Variants in BRCA2 observed in about 807,000 individuals in gnomAD.
BRCA2 encodes breast cancer type 2 susceptibility protein.
BRCA2 carries 203 observed loss-of-function variants against 276.7 expected under a neutral mutation model. The ratio of observed to expected loss-of-function variants is 0.73; its 90% confidence interval spans 0.65 to 0.82. The LOEUF is 0.82. Among genes scored for constraint, BRCA2 ranks in the 40% least tolerant of loss-of-function variants. The probability of loss-of-function intolerance (pLI) is 0.00; values close to 1 mark genes in which losing one functional copy is unlikely to be tolerated. For synonymous variants in BRCA2, 1,289 were observed against 1,338.4 expected, an observed-to-expected ratio of 0.96 and a Z score of 0.81; for missense variants, 3,920 against 3,915.0, an observed-to-expected ratio of 1.00 and a Z score of -0.03.
intron 13 of BRCA2, among the ~76,000 whole-genome samples, chr13:32,349,871 C>T (rs918649157): frequency 2.6e-5 from 4 of 150,988 alleles, no homozygotes; most frequent in Non-Finnish European, 5.9e-5. Flanking sequence ...GCAACTGTCT[C>T]CTGCCCGCTC....
rs80359772 is a variant in BRCA2 at position 32,398,178 on chromosome 13, GT to G, written c.9666del (p.Cys3222TrpfsTer27). 6.2e-7 allele frequency: 1 copy of G among 1,609,850 alleles called. No individual in the cohort carries two copies. Among genetic ancestry groups the G allele is most frequent in the Non-Finnish European group, 8.5e-7 (1 of 1,177,762 alleles). On this transcript the variant is annotated frameshift_variant, in exon 27 of 27. Coordinates refer to ENST00000380152, the MANE Select transcript of BRCA2 (RefSeq NM_000059.4). LOFTEE classifies it low-confidence loss of function (END_TRUNC). ...TTTTATCAGATGTCTTCTCCTAATT[GT>G]GAGATATATTATCAAAGTCCTTTAT... ...GNKLLMSSPN[C>X]EIYYQSPLSL...
intron 20 of BRCA2, among the ~76,000 whole-genome samples, chr13:32,373,118 A>G (rs919910100): frequency 2.0e-5 from 3 of 151,842 alleles, no homozygotes; most frequent in Admixed American, 2.0e-4. Flanking sequence ...CAGCCTCCCA[A>G]GTAGCTGGGA....
intron 26 of BRCA2, among the ~76,000 whole-genome samples, chr13:32,397,451 CT>C (rs2073044444): frequency 6.6e-6 from 1 of 152,142 alleles, no homozygotes; most frequent in Admixed American, 6.5e-5. Flanking sequence ...CTAAGGGTAT[CT>C]ATATTAACTC....
intron 19 of BRCA2, 56 bp from the exon 20 acceptor site, chr13:32,370,900 A>G (rs2072827278): frequency 1.2e-6 from 2 of 1,607,146 alleles, no homozygotes; most frequent in East Asian, 4.5e-5. Flanking sequence ...GCCTGATACA[A>G]TTAACTTGAA....
chr13:32,339,788 G>A lies in BRCA2; in HGVS notation c.5433G>A (p.Glu1811=), dbSNP rs2137517478. The change falls in exon 11 of 27, where the codon GAG becomes GAA. Residue 1811 remains glutamate, a synonymous_variant. Transcript: ENST00000380152. ...CTGTAAATGAAGATATTTGCGTTGAGGAACTTGTGACTAGCTCTTCACCCT... is the reference window on the plus strand; with the variant it reads ...CTGTAAATGAAGATATTTGCGTTGAAGAACTTGTGACTAGCTCTTCACCCT... ...PQTVNEDICV[E]ELVTSSSPCK... is the part of the protein sequence containing the mutation. The A allele has an allele frequency of 1.9e-6, 3 of 1,613,808 alleles. No individual in the cohort carries two copies. Among genetic ancestry groups the A allele is most frequent in the Non-Finnish European group, 2.5e-6 (3 of 1,179,772 alleles).
chr13:32,339,726 A>G lies in BRCA2; in HGVS notation c.5371A>G (p.Ile1791Val), dbSNP rs1214903860. ...DQKNTSFSKV[I>V]SNVKDANAYP... ...AAAAAACACTAGTTTTTCCAAAGTA[A>G]TATCCAATGTAAAAGATGCAAATGC... The change falls in exon 11 of 27, where the codon ATA becomes GTA. Residue 1791 changes from isoleucine (I) to valine (V), a missense_variant. Physicochemically the swap from Ile to Val is conservative, Grantham distance 29. Around this residue, in one of 2 missense-constraint regions of BRCA2, gnomAD observed 3,263 missense variants for 3,156.9 expected, o/e 1.03. Transcript: ENST00000380152. The G allele has an allele frequency of 6.2e-7, 1 of 1,613,820 alleles. No homozygotes were observed. Among genetic ancestry groups the G allele is most frequent in the South Asian group, 1.1e-5 (1 of 91,062 alleles).
In BRCA2 at chr13:32,336,976, C is replaced by G. The variant is rs2137488252; in HGVS notation, c.2621C>G (p.Thr874Ser). ...GAAACTACTTCAATTTCAAAAATAA[C>G]TGTCAATCCAGACTCTGAAGAACTT... is the stretch of plus-strand genomic sequence containing the variant. Reference protein sequence around the residue: ...QEETTSISKITVNPDSEELFS... With the variant: ...QEETTSISKISVNPDSEELFS... The change falls in exon 11 of 27, where the codon ACT becomes AGT. Residue 874 changes from threonine (T) to serine (S), a missense_variant. By Grantham distance (58) the Thr-to-Ser change is moderately conservative (BLOSUM62 1). Around this residue, in one of 2 missense-constraint regions of BRCA2, gnomAD observed 3,263 missense variants for 3,156.9 expected, o/e 1.03. Transcript: ENST00000380152. The G allele has an allele frequency of 6.3e-7, 1 of 1,584,332 alleles. No homozygotes were observed. Among genetic ancestry groups the G allele is most frequent in the Non-Finnish European group, 8.5e-7 (1 of 1,171,668 alleles).
chr13:32,366,721 C>T (rs1437267296), intron 18 of BRCA2, among the ~76,000 whole-genome samples: 2 of 151,900 alleles, frequency 1.3e-5, no homozygotes, highest in East Asian at 3.9e-4. Context: ...ACTGTGGAGG[C>T]TGAGGTGGGA....
At chr13:32,385,139 C>G (rs568966746) in intron 24 of BRCA2, 1 of 230,102 alleles carries the variant, frequency 4.3e-6, no homozygotes, top group Non-Finnish European at 9.2e-6. Context: ...TATGAACAGG[C>G]CAAGGCCTGC....
At chr13:32,396,430 G>T (rs565724773) in intron 25 of BRCA2, among the ~76,000 whole-genome samples, 1 of 152,214 alleles carries the variant, frequency 6.6e-6, no homozygotes, top group East Asian at 1.9e-4. Flanking sequence ...TCAAGCAACA[G>T]TTTCATGTAG....
intron 21 of BRCA2, among the ~76,000 whole-genome samples, chr13:32,377,660 A>G (rs1236377160): frequency 6.6e-6 from 1 of 152,126 alleles, no homozygotes; most frequent in African/African-American, 2.4e-5. Flanking sequence ...TAATCTATAT[A>G]AAAGTTCCAT....
At chr13:32,331,062 T>G (rs1337384907) in intron 9 of BRCA2, 32 bp downstream of exon 9, 1 of 1,497,572 alleles carries the variant, frequency 6.7e-7, no homozygotes, top group Non-Finnish European at 9.3e-7. Flanking sequence ...ACTACAGGTT[T>G]TTTTGTTGTT....
intron 2 of BRCA2, among the ~76,000 whole-genome samples, chr13:32,318,439 A>ATT (rs201193580): frequency 1.4e-5 from 2 of 143,718 alleles, no homozygotes; most frequent in Non-Finnish European, 1.5e-5. Flanking sequence ...TGTGGAATGT[A>ATT]TTTTTTTTTT....
chr13:32,398,317 A>C lies in BRCA2; in HGVS notation c.9804A>C (p.Arg3268Ser). 1.2e-6 allele frequency: 2 copies of C among 1,614,192 alleles called. No homozygotes were observed. Among genetic ancestry groups the C allele is most frequent in the Non-Finnish European group, 1.7e-6 (2 of 1,180,028 alleles). Residue 3268 changes from arginine (R) to serine (S), a missense_variant, in exon 27 of 27, where the codon AGA (arginine) becomes AGC (serine). This residue lies in a region of BRCA2 where 657 missense variants were observed against 758.2 expected (regional missense o/e 0.87). Transcript: ENST00000380152. Reference sequence around the variant, plus strand: ...ATGACCAAAAGAACTGCAAAAAGAGAAGAGCCTTGGATTTCTTGAGTAGAC... The same window carrying C: ...ATGACCAAAAGAACTGCAAAAAGAGCAGAGCCTTGGATTTCTTGAGTAGAC... The part of the protein sequence containing the change: ...EIDDQKNCKK[R>S]RALDFLSRLP...
At position 32,339,594 on chromosome 13, in the gene BRCA2, A is replaced by G. The variant is rs431825328; in HGVS notation, c.5239A>G (p.Asn1747Asp). Residue 1747 changes from asparagine to aspartate, a missense_variant, in exon 11 of 27, where the codon AAC becomes GAC. Asn to Asp is a conservative substitution (Grantham distance 23, BLOSUM62 1). This residue lies in a region of BRCA2 where 3,263 missense variants were observed against 3,156.9 expected (regional missense o/e 1.03). Coordinates refer to ENST00000380152, the MANE Select transcript of BRCA2 (RefSeq NM_000059.4). Reference protein sequence around the residue: ...DTYLSNSSMSNSYSYHSDEVY... With the variant: ...DTYLSNSSMSDSYSYHSDEVY... ...TTATTTAAGTAACAGTAGCATGTCT[A>G]ACAGCTATTCCTACCATTCTGATGA... 1 of 1,611,442 alleles carries G rather than the reference A, an allele frequency of 6.2e-7. No individual in the cohort carries two copies.
chr13:32,332,304 GTAA>G lies in BRCA2; in HGVS notation c.827_829del (p.Val276_Asn277delinsAsp). On this transcript the variant is annotated inframe_deletion, in exon 10 of 27. Coordinates refer to ENST00000380152, the MANE Select transcript of BRCA2 (RefSeq NM_000059.4). ...AAAAACATCAGGGAATTCATTTAAA[GTAA>G]ATAGCTGCAAAGACCACATTGGAAA... 6.2e-7 allele frequency: 1 copy of G among 1,605,254 alleles called. No individual in the cohort carries two copies. Among genetic ancestry groups the G allele is most frequent in the Non-Finnish European group, 8.5e-7 (1 of 1,176,300 alleles).
At position 32,376,770 on chromosome 13, in the gene BRCA2, A is replaced by G. The variant is rs1057521463; in HGVS notation, c.8733A>G (p.Ala2911=). The change falls in exon 21 of 27, where the codon GCA becomes GCG. Residue 2911 remains alanine (A), a synonymous_variant. Transcript: ENST00000380152. ...GAELYEAVKN[A]ADPAYLEGYF... is the part of the protein sequence containing the mutation. ...AGCTTTATGAAGCAGTGAAGAATGC[A>G]GCAGACCCAGCTTACCTTGAGGTGA... The G allele has an allele frequency of 6.2e-7, 1 of 1,614,168 alleles. No homozygotes were observed. Among genetic ancestry groups the G allele is most frequent in the Non-Finnish European group, 8.5e-7 (1 of 1,180,012 alleles).
At chr13:32,317,670 C>G (rs1234059794) in intron 2 of BRCA2, among the ~76,000 whole-genome samples, 1 of 152,124 alleles carries the variant, frequency 6.6e-6, no homozygotes, top group Non-Finnish European at 1.5e-5. Context: ...TTAATACCAC[C>G]ATGGATGTCA....
chr13:32,367,007 T>C (rs763513262), intron 18 of BRCA2, among the ~76,000 whole-genome samples: 2 of 152,106 alleles, frequency 1.3e-5, no homozygotes, highest in Non-Finnish European at 2.9e-5. Context: ...GGAGGAAATA[T>C]ATGAATCTGG....
Sources: gnomAD v4.1 joint callset for allele counts (sites outside exome capture counted in the v4.1 genomes callset) on GRCh38, gnomAD v4.1.1 for gene constraint, gnomAD v4.1.1 regional missense constraint, MANE v1.5 for transcripts, NCBI Gene and HGNC (gene_info 2026-07-23, HGNC 2026-07-21) for gene names.